WSCD2: variants seen among roughly 807,000 people sequenced by gnomAD.
The protein encoded by WSCD2 is WSC domain sialate O sulfotransferase 2.
WSCD2 carries 28 observed loss-of-function variants against 55.7 expected under a neutral mutation model. That is an observed-to-expected ratio of 0.50 (90% CI 0.37 to 0.69). The LOEUF (loss-of-function observed/expected upper bound fraction) is 0.69. WSCD2 is among the 30% of genes least tolerant of loss of function. The pLI, the probability that WSCD2 is intolerant of heterozygous loss-of-function variation, is 0.00. For synonymous variants in WSCD2, 301 were observed against 301.9 expected (o/e 1.00, Z 0.03); for missense variants, 616 against 762.1 (o/e 0.81, Z 2.26).
chr12:108,226,951 A>T (rs1268478787), intron 5 of WSCD2, 39 bp from the exon 6 acceptor site: 1 of 1,590,736 alleles, frequency 6.3e-7, no homozygotes, highest in East Asian at 2.2e-5. Context: ...CCAGGGATTT[A>T]GCAACTCTCT....
intron 7 of WSCD2, among the ~76,000 whole-genome samples, chr12:108,238,677 GC>G (rs1889460066): frequency 6.6e-6 from 1 of 152,162 alleles, no homozygotes; most frequent in African/African-American, 2.4e-5. Flanking sequence ...GAAAACTGAG[GC>G]CCAGAGAGGT....
rs548381099 is a variant in WSCD2 at position 108,191,429 on chromosome 12, G to A, written c.-551-3853G>A. The stretch of plus-strand genomic sequence containing the variant: ...AATGACAGATGGATGTGGGAGGCAG[G>A]GGAGTCTGGGATACCTTTGAGGATA... On this transcript the variant is annotated intron_variant, in intron 1 of 8. Coordinates refer to ENST00000547525, the MANE Select transcript of WSCD2 (RefSeq NM_014653.4). Among the ~76,000 whole-genome samples the A allele has an allele frequency of 9.2e-5, 14 of 152,240 alleles. No homozygotes were observed. In the South Asian group the frequency reaches 2.7e-3, roughly 29 times the overall value.
chr12:108,231,844 A>G (rs1888794183), intron 6 of WSCD2, among the ~76,000 whole-genome samples: 2 of 152,206 alleles, frequency 1.3e-5, no homozygotes. Context: ...AAGGAGATGG[A>G]TATAGTAATG....
intron 7 of WSCD2, 190 bp downstream of exon 7, chr12:108,233,085 A>G (rs11612537): frequency 0.16 from 110,771 of 681,536 alleles, 9,756 homozygotes; most frequent in African/African-American, 0.25. Flanking sequence ...AACATTTCTT[A>G]AGTCATGTCC....
intron 1 of WSCD2, among the ~76,000 whole-genome samples, chr12:108,193,525 TAATG>T (rs1171344342): frequency 6.6e-6 from 1 of 152,078 alleles, no homozygotes; most frequent in Non-Finnish European, 1.5e-5. Context: ...TTGGACAGAT[TAATG>T]AATAGATTAA....
intron 1 of WSCD2, chr12:108,167,423 A>C (rs1207971151): frequency 6.6e-6 from 1 of 152,172 alleles, no homozygotes; most frequent in Non-Finnish European, 1.5e-5. Context: ...ATTCTATTCC[A>C]GATGTTCGCT....
rs565283919 is a variant in WSCD2, at chr12:108,164,617, C to G, written c.-551-30665C>G. 5.2e-4 allele frequency among the ~76,000 whole-genome samples: 79 copies of G among 152,278 alleles called. 1 individual carries two copies. The highest frequency in any genetic ancestry group is 3.4e-3 in the Middle Eastern group (1 of 294). Reference sequence around the variant, plus strand: ...ACAAATCTTGTGGGAGATTTAAGCACTCATTTCTTGTAGGTGTATACCCAG... The same window carrying G: ...ACAAATCTTGTGGGAGATTTAAGCAGTCATTTCTTGTAGGTGTATACCCAG... On this transcript the variant is annotated intron_variant, in intron 1 of 8. Transcript: ENST00000547525.
chr12:108,167,071 C>G (rs2136957618), intron 1 of WSCD2, among the ~76,000 whole-genome samples: 1 of 152,142 alleles, frequency 6.6e-6, no homozygotes, highest in South Asian at 2.1e-4. Context: ...CTCGGCCTCC[C>G]AAAGTGCTGG....
intron 1 of WSCD2, among the ~76,000 whole-genome samples, chr12:108,171,283 A>C (rs139141468): frequency 6.6e-6 from 1 of 152,186 alleles, no homozygotes; most frequent in Admixed American, 6.5e-5. Context: ...GTAGGGGAAC[A>C]GGGCACAGGA....
chr12:108,146,624 G>T (rs998622854), intron 1 of WSCD2, among the ~76,000 whole-genome samples: 1 of 152,232 alleles, frequency 6.6e-6, no homozygotes, highest in African/African-American at 2.4e-5. Context: ...GCTGGGCAGG[G>T]ATTTGAATCA....
intron 1 of WSCD2, among the ~76,000 whole-genome samples, chr12:108,169,325 C>A (rs2136963261): frequency 1.3e-5 from 2 of 152,108 alleles, no homozygotes; most frequent in African/African-American, 2.4e-5. Context: ...ATCCAGAAAC[C>A]AATCCCCCCC....
intron 2 of WSCD2, among the ~76,000 whole-genome samples, chr12:108,203,066 C>T (rs1009149225): frequency 6.6e-6 from 1 of 152,208 alleles, no homozygotes; most frequent in East Asian, 1.9e-4. Context: ...AATAGACAGA[C>T]CTGGACATGG....
rs372403163 is a variant in WSCD2 at position 108,213,565 on chromosome 12, G to A, written c.682+3260G>A. Among the ~76,000 whole-genome samples the A allele has an allele frequency of 2.2e-3, 342 of 152,284 alleles. 5 individuals are homozygous for A. The highest frequency in any genetic ancestry group is 5.6e-4 in the Non-Finnish European group (38 of 68,028). On this transcript the variant is annotated intron_variant, in intron 4 of 8. Transcript: ENST00000547525. ...GGCTCCACAAAGAAGGGGGCAGCTC[G>A]ATAAAGGAGGGGACATTTGACAAGA...
chr12:108,134,521 T>G (rs958272351), intron 1 of WSCD2, among the ~76,000 whole-genome samples: 2 of 152,126 alleles, frequency 1.3e-5, no homozygotes, highest in Non-Finnish European at 2.9e-5. Flanking sequence ...CCAGCCAGTT[T>G]CCAGCTGGTC....
chr12:108,166,462 T>TG (rs1376417542), intron 1 of WSCD2, among the ~76,000 whole-genome samples: 1 of 152,234 alleles, frequency 6.6e-6, no homozygotes, highest in Non-Finnish European at 1.5e-5. Flanking sequence ...TCTGCCATTT[T>TG]GGGGGAATGT....
intron 1 of WSCD2, among the ~76,000 whole-genome samples, chr12:108,132,534 G>C (rs1162856396): frequency 6.6e-6 from 1 of 152,210 alleles, no homozygotes; most frequent in African/African-American, 2.4e-5. Flanking sequence ...GTGTGCGTGT[G>C]CATGCCTGCA....
intron 1 of WSCD2, among the ~76,000 whole-genome samples, chr12:108,171,355 C>T (rs1313521529): frequency 6.6e-6 from 1 of 152,182 alleles, no homozygotes; most frequent in Non-Finnish European, 1.5e-5. Context: ...GCTCAGACAC[C>T]CATATTGCTA....
chr12:108,151,432 G>A (rs1247915330), intron 1 of WSCD2, among the ~76,000 whole-genome samples: 1 of 152,168 alleles, frequency 6.6e-6, no homozygotes, highest in Non-Finnish European at 1.5e-5. Flanking sequence ...ACATTCCCTG[G>A]GAACTGGCAA....
intron 1 of WSCD2, among the ~76,000 whole-genome samples, chr12:108,132,890 G>C (rs1875750227): frequency 6.6e-6 from 1 of 152,188 alleles, no homozygotes; most frequent in African/African-American, 2.4e-5. Context: ...CTTTGTGTGT[G>C]CCTCTATGTG....
Sources: gnomAD v4.1 joint callset for allele counts (sites outside exome capture counted in the v4.1 genomes callset) on GRCh38, gnomAD v4.1.1 for gene constraint, MANE v1.5 for transcripts, NCBI Gene and HGNC (gene_info 2026-07-23, HGNC 2026-07-21) for gene names.